Variants in POLA1 observed in about 807,000 individuals in gnomAD.
The protein encoded by POLA1 is DNA polymerase alpha 1, catalytic subunit, also known as DNA polymerase alpha catalytic subunit.
POLA1 carries 15 observed loss-of-function variants against 124.0 expected under a neutral mutation model. That is an observed-to-expected ratio of 0.12 (90% confidence interval 0.08 to 0.19). The LOEUF is 0.19. Ranked by LOEUF, POLA1 falls within the 10% of genes least tolerant of loss-of-function variation. POLA1 has a pLI of 1.00. For missense variants in POLA1, 886 were observed against 1,103.4 expected (o/e 0.80, Z 2.79); for synonymous variants, 408 against 389.4 (o/e 1.05, Z -0.56).
intron 24 of POLA1, among the ~76,000 whole-genome samples, chrX:24,746,796 T>A (rs1932028924): frequency 8.9e-6 from 1 of 112,484 alleles, no homozygotes. Context: ...AAGATATTGA[T>A]CTCTATAAAA....
In POLA1 at chrX:24,715,092, C is replaced by T. The variant is rs754294032; in HGVS notation, c.463-49C>T. On this transcript the variant is annotated intron_variant, in intron 5 of 36. Coordinates refer to ENST00000379068, the MANE Select transcript of POLA1 (RefSeq NM_001330360.2). ...ATACATGTGTGTAGTTTTGGTGAGA[C>T]ATTTTAAGTGCAAGGCTTTCTCATG... 10 of 897,774 alleles carry T rather than the reference C, an allele frequency of 1.1e-5. No individual in the cohort carries two copies. In the South Asian group the frequency reaches 1.6e-4, roughly 15 times the overall value. 74.0% of individuals were successfully genotyped at this position (897,774 alleles called of 1,213,427 possible). A position where few individuals can be genotyped will look rare whatever the true frequency, so the allele number is the denominator to read the frequency against.
At chrX:24,951,664 A>G (rs1444774833) in intron 36 of POLA1, among the ~76,000 whole-genome samples, 1 of 111,092 alleles carries the variant, frequency 9.0e-6, no homozygotes, top group Admixed American at 9.6e-5. Context: ...GTGTCCCTAT[A>G]AGGGTCTTCT....
intron 26 of POLA1, among the ~76,000 whole-genome samples, chrX:24,784,079 T>A (rs1000263081): frequency 4.0e-5 from 4 of 99,343 alleles, no homozygotes; most frequent in Non-Finnish European, 8.1e-5. Context: ...TTTTTTTTTT[T>A]TGAGATGGAG....
chrX:24,725,275 A>G (rs1375064883), intron 12 of POLA1, among the ~76,000 whole-genome samples: 1 of 100,749 alleles, frequency 9.9e-6, no homozygotes, highest in African/African-American at 3.7e-5. Context: ...GCTCACTGCA[A>G]CCTCCACCTC....
At chrX:24,721,776 T>G (rs766088231) in intron 10 of POLA1, among the ~76,000 whole-genome samples, 3 of 112,270 alleles carry the variant, frequency 2.7e-5, no homozygotes, top group Admixed American at 9.4e-5. Context: ...CAGTGTCAAA[T>G]GTGTTGCATG....
intron 34 of POLA1, among the ~76,000 whole-genome samples, chrX:24,859,855 CA>C (rs1569341213): frequency 8.9e-6 from 1 of 112,739 alleles, no homozygotes; most frequent in African/African-American, 3.2e-5. Flanking sequence ...ACTTCACAGC[CA>C]GTGGATGGCA....
intron 26 of POLA1, among the ~76,000 whole-genome samples, chrX:24,808,871 A>C (rs1484310107): frequency 8.9e-6 from 1 of 111,768 alleles, no homozygotes; most frequent in Non-Finnish European, 1.9e-5. Flanking sequence ...AATGAAGTAA[A>C]TCTTTATTTG....
chrX:24,862,909 A>C (rs2046737231), intron 34 of POLA1, among the ~76,000 whole-genome samples: 2 of 112,311 alleles, frequency 1.8e-5, no homozygotes, highest in Admixed American at 9.4e-5. Context: ...AATTTACACA[A>C]GGTCAGGTAA....
intron 36 of POLA1, among the ~76,000 whole-genome samples, chrX:24,955,804 G>A (rs762820290): frequency 7.2e-5 from 8 of 111,781 alleles, no homozygotes; most frequent in Non-Finnish European, 1.3e-4. Flanking sequence ...TCTAGGGTTT[G>A]TTCAGAGATG....
chrX:24,963,874 G>A (rs748725115), intron 36 of POLA1, among the ~76,000 whole-genome samples: 1 of 111,959 alleles, frequency 8.9e-6, no homozygotes, highest in East Asian at 2.8e-4. Context: ...CTGCCAGTCT[G>A]TTTTGGCAGC....
chrX:24,989,716 C>T (rs1337709142), intron 36 of POLA1, among the ~76,000 whole-genome samples: 1 of 106,804 alleles, frequency 9.4e-6, no homozygotes, highest in African/African-American at 3.5e-5. Context: ...TGTAGAATGC[C>T]GTGAAAGGTT....
Position 24,868,821 on chromosome X carries a change from A to C in POLA1, c.4048-19185A>C, listed in dbSNP as rs187738271. On this transcript the variant is annotated intron_variant, in intron 34 of 36. Coordinates refer to ENST00000379068, the MANE Select transcript of POLA1 (RefSeq NM_001330360.2). Reference sequence around the variant, plus strand: ...ACCTGTAAGTAATCCATCACTAGGCAGTGGCTCCACAGCATTCGGATAAAA... The same window carrying C: ...ACCTGTAAGTAATCCATCACTAGGCCGTGGCTCCACAGCATTCGGATAAAA... 3.8e-4 allele frequency among the ~76,000 whole-genome samples: 43 copies of C among 112,392 alleles called. 1 individual carries two copies. In the Admixed American group the frequency reaches 4.0e-3, roughly 11 times the overall value.
At chrX:24,765,747 TACATGTTAAGATTTTGTCA>T (rs1330563511) in intron 26 of POLA1, among the ~76,000 whole-genome samples, 3 of 112,268 alleles carry the variant, frequency 2.7e-5, no homozygotes, top group Non-Finnish European at 3.8e-5. Context: ...CCAGAATTAA[TACATGTTAAGATTTTGTCA>T]TAATTATTTC....
At chrX:24,953,772 G>A (rs991874605) in intron 36 of POLA1, among the ~76,000 whole-genome samples, 1 of 112,405 alleles carries the variant, frequency 8.9e-6, no homozygotes, top group Admixed American at 9.4e-5. Flanking sequence ...GAAGCACTCT[G>A]TGTATTTTCT....
chrX:24,937,603 C>T (rs2047867541), intron 36 of POLA1, among the ~76,000 whole-genome samples: 1 of 110,683 alleles, frequency 9.0e-6, no homozygotes, highest in South Asian at 3.8e-4. Context: ...TATTTTTTTC[C>T]AAGTCAAACC....
chrX:24,912,059 A>G (rs1227413170), intron 35 of POLA1, among the ~76,000 whole-genome samples: 3 of 112,615 alleles, frequency 2.7e-5, no homozygotes, highest in Non-Finnish European at 5.6e-5. Context: ...ATGGAAGAGA[A>G]TAGACTCACA....
At chrX:24,750,959 C>T (rs901891005) in intron 26 of POLA1, among the ~76,000 whole-genome samples, 2 of 111,904 alleles carry the variant, frequency 1.8e-5, no homozygotes, top group African/African-American at 6.5e-5. Flanking sequence ...GTTTCTTAAG[C>T]TAAGTTTACT....
intron 34 of POLA1, among the ~76,000 whole-genome samples, chrX:24,856,739 A>G (rs985048119): frequency 4.5e-5 from 5 of 111,374 alleles, no homozygotes; most frequent in African/African-American, 1.6e-4. Flanking sequence ...CATTTCCCTA[A>G]TGACTAATGA....
At chrX:24,885,401 T>TA (rs2047051785) in intron 34 of POLA1, among the ~76,000 whole-genome samples, 1 of 112,169 alleles carries the variant, frequency 8.9e-6, no homozygotes, top group Admixed American at 9.4e-5. Context: ...CAACTAGTCT[T>TA]ACCTTTAGTG....
Sources: gnomAD v4.1 joint callset for allele counts (sites outside exome capture counted in the v4.1 genomes callset) on GRCh38, gnomAD v4.1.1 for gene constraint, MANE v1.5 for transcripts, NCBI Gene and HGNC (gene_info 2026-07-23, HGNC 2026-07-21) for gene names.